The following ADAMTS20 variants were observed in gnomAD, a reference collection of about 807,000 sequenced individuals.
ADAMTS20 encodes the protein A disintegrin and metalloproteinase with thrombospondin motifs 20.
In ADAMTS20, 225 loss-of-function variants were observed where a neutral mutation model predicts 260.1. That is an observed-to-expected ratio of 0.87 (90% CI 0.78 to 0.97). The LOEUF (loss-of-function observed/expected upper bound fraction) is 0.97, where lower values mean the gene tolerates loss of function less well. Ranked by LOEUF, ADAMTS20 falls within the 50% of genes least tolerant of loss-of-function variation. The pLI is 0.00. For synonymous variants in ADAMTS20, 802 were observed against 769.5 expected, an observed-to-expected ratio of 1.04 and a Z score of -0.70; for missense variants, 2,400 against 2,337.7, an observed-to-expected ratio of 1.03 and a Z score of -0.55.
intron 16 of ADAMTS20, among the ~76,000 whole-genome samples, chr12:43,441,349 A>C (rs1013063027): frequency 4.0e-5 from 6 of 151,726 alleles, no homozygotes; most frequent in Non-Finnish European, 8.8e-5. Flanking sequence ...CAAATAGAGA[A>C]GACAATTATA....
At chr12:43,375,046 C>T (rs2137209427) in intron 36 of ADAMTS20, among the ~76,000 whole-genome samples, 1 of 152,140 alleles carries the variant, frequency 6.6e-6, no homozygotes, top group Non-Finnish European at 1.5e-5. Context: ...GTGGCGTGTG[C>T]CTGTAATCCC....
intron 37 of ADAMTS20, 58 bp downstream of exon 37, chr12:43,369,232 A>G (rs1396235700): frequency 1.8e-6 from 2 of 1,083,326 alleles, no homozygotes; most frequent in East Asian, 3.1e-5. Flanking sequence ...AAATGAATGA[A>G]GAGAAGCTAT....
chr12:43,514,548 G>T, intron 3 of ADAMTS20, among the ~76,000 whole-genome samples: 1 of 116,812 alleles, frequency 8.6e-6, no homozygotes, highest in Non-Finnish European at 1.6e-5. Context: ...GTGACAGAGT[G>T]AGACTCTATC....
At chr12:43,525,889 C>T (rs1015371118) in intron 3 of ADAMTS20, among the ~76,000 whole-genome samples, 3 of 152,116 alleles carry the variant, frequency 2.0e-5, no homozygotes, top group African/African-American at 7.2e-5. Flanking sequence ...ACAATTACTA[C>T]TAGACCTGAG....
chr12:43,452,713 A>G lies in ADAMTS20; in HGVS notation c.1761-18T>C. The G allele has an allele frequency of 6.3e-7, 1 of 1,584,180 alleles. No individual in the cohort carries two copies. Among genetic ancestry groups the G allele is most frequent in the Non-Finnish European group, 8.6e-7 (1 of 1,162,242 alleles). ...TTCTTGGCCTAGTCAAATTCATTAC[A>G]TTTTAAAGCACATCAGTACAACATT... On this transcript the variant is annotated intron_variant, in intron 12 of 38. Transcript: ENST00000389420.
At chr12:43,498,919 A>C (rs974026489) in intron 4 of ADAMTS20, among the ~76,000 whole-genome samples, 1 of 152,166 alleles carries the variant, frequency 6.6e-6, no homozygotes, top group Admixed American at 6.5e-5. Context: ...CCATAAATAT[A>C]GTTGTGATCA....
chr12:43,413,116 AT>A (rs1216951177), intron 28 of ADAMTS20, among the ~76,000 whole-genome samples: 1 of 151,980 alleles, frequency 6.6e-6, no homozygotes, highest in African/African-American at 2.4e-5. Context: ...GCCGGTAATA[AT>A]TTTTTTATTA....
intron 29 of ADAMTS20, among the ~76,000 whole-genome samples, chr12:43,384,497 AGAACAT>A (rs1488479858): frequency 6.6e-6 from 1 of 152,152 alleles, no homozygotes; most frequent in Non-Finnish European, 1.5e-5. Flanking sequence ...ATACATGTGC[AGAACAT>A]GCCGCTTTGT....
Position 43,383,946 on chromosome 12 carries a change from T to TG in ADAMTS20, c.4483dup (p.Gln1495ProfsTer16). ...TTTCAGTCTGCAGTATACATCCCTC[T>TG]GCTGAACTCCAGAGCCACAGGTCAC... On this transcript the variant is annotated frameshift_variant, in exon 30 of 39. Coordinates refer to ENST00000389420, the MANE Select transcript of ADAMTS20 (RefSeq NM_025003.5). LOFTEE classifies it high-confidence loss of function. The TG allele has an allele frequency of 6.2e-7, 1 of 1,613,838 alleles. No individual in the cohort carries two copies. Among genetic ancestry groups the TG allele is most frequent in the Non-Finnish European group, 8.5e-7 (1 of 1,179,820 alleles).
chr12:43,362,724 CAAG>C (rs535188029), intron 37 of ADAMTS20, among the ~76,000 whole-genome samples: 17 of 150,730 alleles, frequency 1.1e-4, no homozygotes, highest in Non-Finnish European at 2.4e-4. Context: ...AGAAGAAAAT[CAAG>C]AAGATTTTCT....
chr12:43,481,631 A>C (rs1942443503), intron 7 of ADAMTS20, among the ~76,000 whole-genome samples: 1 of 152,250 alleles, frequency 6.6e-6, no homozygotes, highest in African/African-American at 2.4e-5. Flanking sequence ...AGGTGGCTGC[A>C]TTTAAAAATC....
chr12:43,510,497 A>C (rs747902259), intron 3 of ADAMTS20, among the ~76,000 whole-genome samples: 1 of 151,864 alleles, frequency 6.6e-6, no homozygotes, highest in African/African-American at 2.4e-5. Flanking sequence ...TGTTGATACA[A>C]TTCCTTACCT....
rs540823860 is a variant in ADAMTS20, at chr12:43,525,885, A to C, written c.613+6151T>G. 2.0e-5 allele frequency among the ~76,000 whole-genome samples: 3 copies of C among 152,326 alleles called. No individual in the cohort carries two copies. In the East Asian group the frequency reaches 5.8e-4, roughly 29 times the overall value. ...GAGCTCCCAGACTCATAAAACAATT[A>C]CTACTAGACCTGAGAAATGAGATAG... On this transcript the variant is annotated intron_variant, in intron 3 of 38. Coordinates refer to ENST00000389420, the MANE Select transcript of ADAMTS20 (RefSeq NM_025003.5).
In ADAMTS20 at chr12:43,377,562, A is replaced by G; in HGVS notation, c.4798T>C (p.Cys1600Arg). The G allele has an allele frequency of 6.2e-7, 1 of 1,601,720 alleles. No homozygotes were observed. Residue 1600 changes from cysteine (C) to arginine (R), a missense_variant and splice_region_variant, in exon 32 of 39, where the codon TGT becomes CGT. Transcript: ENST00000389420. ...YIVVTADSSQ[C>R]ANNCGFSYRQ... ...TAACTAAATCCACAGTTGTTTGCACACTGAAAAATACATAATTACAAGAAA... is the reference window on the plus strand; with the variant it reads ...TAACTAAATCCACAGTTGTTTGCACGCTGAAAAATACATAATTACAAGAAA...
At chr12:43,500,737 C>A (rs1399440925) in intron 4 of ADAMTS20, among the ~76,000 whole-genome samples, 5 of 134,410 alleles carry the variant, frequency 3.7e-5, no homozygotes, top group Non-Finnish European at 8.1e-5. Flanking sequence ...TTAACCATGT[C>A]TCCATTCATT....
intron 7 of ADAMTS20, among the ~76,000 whole-genome samples, chr12:43,477,988 A>G (rs1385983614): frequency 6.6e-6 from 1 of 152,210 alleles, no homozygotes; most frequent in African/African-American, 2.4e-5. Flanking sequence ...TTAAATAAAT[A>G]TAAGCTCAAA....
chr12:43,402,809 A>G (rs184639117), intron 28 of ADAMTS20, among the ~76,000 whole-genome samples: 2 of 152,162 alleles, frequency 1.3e-5, no homozygotes, highest in East Asian at 3.9e-4. Flanking sequence ...ATTCTCATCA[A>G]AAGACTTTTT....
intron 28 of ADAMTS20, among the ~76,000 whole-genome samples, chr12:43,408,593 C>G (rs1219667610): frequency 6.6e-6 from 1 of 151,980 alleles, no homozygotes; most frequent in Non-Finnish European, 1.5e-5. Context: ...TAAATGAGTT[C>G]TAAGGATGCT....
chr12:43,453,511 T>C (rs199701057), intron 12 of ADAMTS20, among the ~76,000 whole-genome samples: 1 of 151,992 alleles, frequency 6.6e-6, no homozygotes, highest in East Asian at 1.9e-4. Flanking sequence ...CACAAAACGG[T>C]AAAAAATTGG....
Sources: gnomAD v4.1 joint callset for allele counts (sites outside exome capture counted in the v4.1 genomes callset) on GRCh38, gnomAD v4.1.1 for gene constraint, MANE v1.5 for transcripts, NCBI Gene and HGNC (gene_info 2026-07-23, HGNC 2026-07-21) for gene names.